SNTG1: variants seen among roughly 807,000 people sequenced by gnomAD.
SNTG1 encodes syntrophin gamma 1.
A neutral mutation model predicts 74.7 loss-of-function variants in SNTG1; 39 were observed. The ratio of observed to expected loss-of-function variants is 0.52; its 90% confidence interval spans 0.40 to 0.68. The LOEUF (loss-of-function observed/expected upper bound fraction) is 0.68, where lower values mean the gene tolerates loss of function less well. SNTG1 is among the 30% of genes least tolerant of loss of function. The pLI, the probability that SNTG1 is intolerant of heterozygous loss-of-function variation, is 0.00. For missense variants in SNTG1, 685 were observed against 609.5 expected (o/e 1.12, Z -1.30); for synonymous variants, 254 against 217.1 (o/e 1.17, Z -1.49).
chr8:50,690,494 T>C (rs907589746), intron 15 of SNTG1, among the ~76,000 whole-genome samples: 1 of 152,216 alleles, frequency 6.6e-6, no homozygotes, highest in African/African-American at 2.4e-5. Flanking sequence ...TCTCCCTTCC[T>C]TTCATTATTT....
At chr8:50,608,277 A>C (rs765214969) in intron 13 of SNTG1, among the ~76,000 whole-genome samples, 2 of 151,724 alleles carry the variant, frequency 1.3e-5, no homozygotes, top group Non-Finnish European at 3.0e-5. Flanking sequence ...TAGTTTTTCT[A>C]TCAATTATTA....
intron 12 of SNTG1, among the ~76,000 whole-genome samples, chr8:50,587,136 C>T (rs1585767735): frequency 6.6e-6 from 1 of 150,834 alleles, no homozygotes; most frequent in East Asian, 1.9e-4. Context: ...AATCTTTGTG[C>T]ATGTGTATAT....
chr8:49,999,023 C>T (rs1814501027), intron 1 of SNTG1, among the ~76,000 whole-genome samples: 1 of 152,030 alleles, frequency 6.6e-6, no homozygotes, highest in Non-Finnish European at 1.5e-5. Flanking sequence ...TGATGGCTAC[C>T]ATGTCACCAG....
chr8:50,485,158 G>C (rs564694613), intron 8 of SNTG1, among the ~76,000 whole-genome samples: 132 of 152,222 alleles, frequency 8.7e-4, no homozygotes, highest in African/African-American at 3.1e-3. Flanking sequence ...GACCAAGAGG[G>C]CACTGTAGAA....
chr8:50,253,504 G>C (rs1326897732), intron 2 of SNTG1, among the ~76,000 whole-genome samples: 1 of 152,026 alleles, frequency 6.6e-6, no homozygotes, highest in African/African-American at 2.4e-5. Context: ...AAATGAAATT[G>C]GTATGTCAAA....
chr8:50,206,784 G>T (rs2084263107), intron 2 of SNTG1, among the ~76,000 whole-genome samples: 1 of 152,138 alleles, frequency 6.6e-6, no homozygotes. Context: ...AAGGGTTGTT[G>T]AATTTTGTCA....
intron 2 of SNTG1, among the ~76,000 whole-genome samples, chr8:50,291,048 A>G (rs545733307): frequency 1.3e-5 from 2 of 152,236 alleles, no homozygotes; most frequent in South Asian, 4.1e-4. Context: ...TGACCACCCT[A>G]TACATTTATG....
intron 1 of SNTG1, chr8:50,163,443 G>A (rs2082497190): frequency 6.9e-6 from 1 of 143,960 alleles, no homozygotes; most frequent in South Asian, 2.2e-4. Context: ...AACAAACTAA[G>A]TATTACAAAT....
chr8:50,433,483 T>TG (rs1370169606), intron 4 of SNTG1, among the ~76,000 whole-genome samples: 2 of 151,368 alleles, frequency 1.3e-5, no homozygotes, highest in Non-Finnish European at 2.9e-5. Flanking sequence ...TTTTCTGTTT[T>TG]TTTTTTTTTT....
intron 1 of SNTG1, among the ~76,000 whole-genome samples, chr8:49,940,287 C>T (rs1367108262): frequency 6.6e-6 from 1 of 152,122 alleles, no homozygotes; most frequent in African/African-American, 2.4e-5. Context: ...GATCCCAGCA[C>T]CCAGGCGGTA....
intron 1 of SNTG1, among the ~76,000 whole-genome samples, chr8:50,017,081 C>T (rs1261323647): frequency 1.3e-5 from 2 of 152,094 alleles, no homozygotes; most frequent in Non-Finnish European, 2.9e-5. Context: ...TAAAGTGAAT[C>T]TTTCAAACTG....
chr8:50,054,218 G>A (rs141618427), intron 1 of SNTG1, among the ~76,000 whole-genome samples: 1 of 151,978 alleles, frequency 6.6e-6, no homozygotes, highest in East Asian at 1.9e-4. Flanking sequence ...TTCCCAAATG[G>A]GCTCCCTTCT....
At chr8:49,972,626 G>A (rs1811800851) in intron 1 of SNTG1, among the ~76,000 whole-genome samples, 1 of 151,584 alleles carries the variant, frequency 6.6e-6, no homozygotes, top group Non-Finnish European at 1.5e-5. Flanking sequence ...ATCTGACAAA[G>A]GGCTAATATC....
chr8:50,323,223 T>A (rs980777659), intron 2 of SNTG1, among the ~76,000 whole-genome samples: 8 of 152,160 alleles, frequency 5.3e-5, no homozygotes, highest in African/African-American at 1.9e-4. Flanking sequence ...TAAATATATA[T>A]AATGGGATTC....
At chr8:50,587,261 T>C (rs2094656458) in intron 12 of SNTG1, among the ~76,000 whole-genome samples, 1 of 152,142 alleles carries the variant, frequency 6.6e-6, no homozygotes, top group South Asian at 2.1e-4. Context: ...TATGTGTATA[T>C]GTAATTTTTA....
intron 4 of SNTG1, among the ~76,000 whole-genome samples, chr8:50,415,414 G>A (rs1000817985): frequency 2.3e-4 from 35 of 151,996 alleles, no homozygotes; most frequent in African/African-American, 7.2e-4. Context: ...AGGTAATAAC[G>A]TAAATATAAG....
chr8:49,920,557 AAAC>A (rs373704356), intron 1 of SNTG1, among the ~76,000 whole-genome samples: 1,979 of 152,012 alleles, frequency 0.013, 44 homozygotes, highest in African/African-American at 0.043. Flanking sequence ...AAAAACAAAT[AAAC>A]AACAACAACA....
At chr8:49,922,127 C>T (rs1425996082) in intron 1 of SNTG1, among the ~76,000 whole-genome samples, 1 of 152,124 alleles carries the variant, frequency 6.6e-6, no homozygotes, top group Non-Finnish European at 1.5e-5. Flanking sequence ...CTTTATATCT[C>T]ACTGCGGCTC....
chr8:50,785,434 C>T (rs1367978361), intron 18 of SNTG1, among the ~76,000 whole-genome samples: 1 of 151,798 alleles, frequency 6.6e-6, no homozygotes, highest in Admixed American at 6.6e-5. Context: ...AGTGTGTAAA[C>T]TCTGAGAACA....
Sources: gnomAD v4.1 joint callset for allele counts (sites outside exome capture counted in the v4.1 genomes callset) on GRCh38, gnomAD v4.1.1 for gene constraint, MANE v1.5 for transcripts, NCBI Gene and HGNC (gene_info 2026-07-23, HGNC 2026-07-21) for gene names.